Variants in WEE1 observed in about 807,000 individuals in gnomAD.
WEE1 encodes the protein wee1-like protein kinase.
Under a neutral mutation model 68.8 loss-of-function variants are expected in WEE1, and 16 were observed. That is an observed-to-expected ratio of 0.23 (90% CI 0.16 to 0.35). WEE1 has a LOEUF of 0.35. Among genes scored for constraint, WEE1 ranks in the 10% least tolerant of loss-of-function variants. The pLI, the probability that WEE1 is intolerant of heterozygous loss-of-function variation, is 1.00. For missense variants in WEE1, 651 were observed against 824.1 expected (o/e 0.79, Z 2.57); for synonymous variants, 349 against 318.7 (o/e 1.09, Z -1.01).
chr11:9,581,622 G>T lies in WEE1; in HGVS notation c.1232G>T (p.Gly411Val). ...TTGAAGGATCTCCTTTTGCAAGTTG[G>T]CCGAGGCTTGAGGTATATTCATTCA... ...AELKDLLLQV[G>V]RGLRYIHSMS... Residue 411 changes from glycine to valine, a missense_variant, in exon 6 of 11, where the codon GGC becomes GTC. Around this residue, in one of 5 missense-constraint regions of WEE1, gnomAD observed 82 missense variants for 123.2 expected, o/e 0.67. Transcript: ENST00000450114. The T allele has an allele frequency of 6.2e-7, 1 of 1,613,468 alleles. No individual in the cohort carries two copies. The highest frequency in any genetic ancestry group is 8.5e-7 in the Non-Finnish European group (1 of 1,179,892).
rs763160938 is a variant in WEE1 at position 9,581,752 on chromosome 11, G to A, written c.1288+74G>A. Reference sequence around the variant, plus strand: ...TAAATTACTTCATTATGACAACATTGAAAAAATATATATCTTCTGTTTTCT... The same window carrying A: ...TAAATTACTTCATTATGACAACATTAAAAAAATATATATCTTCTGTTTTCT... On this transcript the variant is annotated intron_variant, in intron 6 of 10. Transcript: ENST00000450114. 4.3e-6 allele frequency: 6 copies of A among 1,402,524 alleles called. No homozygotes were observed. The East Asian group carries it at 1.5e-4, about 35-fold the overall frequency. The allele number at this position is 1,402,524 out of a possible 1,614,324, so 86.9% of individuals were successfully genotyped here.
rs1332068219 is a variant in WEE1, at chr11:9,576,114, T to G, written c.782+21T>G. 3.1e-6 allele frequency: 5 copies of G among 1,612,888 alleles called. No individual in the cohort carries two copies. In the South Asian group the frequency reaches 4.4e-5, roughly 14 times the overall value. Reference sequence around the variant, plus strand: ...AATGAGTAAGTCGTTTATTTAACAGTTTGGTTCTCCAAATAACCTAAGATT... The same window carrying G: ...AATGAGTAAGTCGTTTATTTAACAGGTTGGTTCTCCAAATAACCTAAGATT... On this transcript the variant is annotated intron_variant, in intron 2 of 10. Coordinates refer to ENST00000450114, the MANE Select transcript of WEE1 (RefSeq NM_003390.4). This position sits in a 1 kb window ranked among gnomAD's most constrained non-coding sequence, Gnocchi z 4.3.
chr11:9,574,609 C>G lies in WEE1; in HGVS notation c.576+100C>G. The G allele has an allele frequency of 1.8e-6, 2 of 1,122,266 alleles. No homozygotes were observed. Among genetic ancestry groups the G allele is most frequent in the Middle Eastern group, 7.7e-4 (2 of 2,588 alleles). The allele number at this position is 1,122,266 out of a possible 1,614,324, so 69.5% of individuals were successfully genotyped here. A position where few individuals can be genotyped will look rare whatever the true frequency, so the allele number is the denominator to read the frequency against. On this transcript the variant is annotated intron_variant, in intron 1 of 10. Transcript: ENST00000450114. This position sits in a 1 kb window ranked among gnomAD's most constrained non-coding sequence, Gnocchi z 4.9. The stretch of plus-strand genomic sequence containing the variant: ...GGTTACAGAAGCGGCCGGCCGCTCC[C>G]CCCTCGCTTTCCTGCGCCGCCCCCC...
rs1228520558 is a variant in WEE1, at chr11:9,574,751, G to A, written c.576+242G>A. 9.7e-7 allele frequency: 1 copy of A among 1,028,460 alleles called. No homozygotes were observed. The highest frequency in any genetic ancestry group is 1.2e-6 in the Non-Finnish European group (1 of 858,578). The allele number at this position is 1,028,460 out of a possible 1,614,324, so 63.7% of individuals were successfully genotyped here. On this transcript the variant is annotated intron_variant, in intron 1 of 10. Coordinates refer to ENST00000450114, the MANE Select transcript of WEE1 (RefSeq NM_003390.4). The surrounding 1 kb of genome is among the most constrained non-coding windows in gnomAD (Gnocchi z 4.9). ...ACAAAGGGGCCGATCGGCCCGTCCGGGTGGCCAAGGATTTGCCGCCCGTTG... is the reference window on the plus strand; with the variant it reads ...ACAAAGGGGCCGATCGGCCCGTCCGAGTGGCCAAGGATTTGCCGCCCGTTG...
intron 10 of WEE1, 56 bp downstream of exon 10, chr11:9,586,912 T>C (rs1849706199): frequency 6.6e-7 from 1 of 1,520,262 alleles, no homozygotes; most frequent in Non-Finnish European, 8.9e-7. Flanking sequence ...AATTCTCAAA[T>C]TTTAATGAGA....
rs1323782444 is a variant in WEE1, at chr11:9,573,985, G to A, written c.52G>A (p.Ala18Thr). ...QPPPPRRAGA[A>T]CTLRQKLIFS... ...GCCGCCACCCCGCCGCGCCGGGGCG[G>A]CCTGCACCTTGCGGCAGAAGCTGAT... Residue 18 changes from alanine (A) to threonine (T), a missense_variant, in exon 1 of 11, where the codon GCC becomes ACC. Ala to Thr is a moderately conservative substitution (Grantham distance 58). Around this residue, in one of 5 missense-constraint regions of WEE1, gnomAD observed 395 missense variants for 378.4 expected, o/e 1.04. Coordinates refer to ENST00000450114, the MANE Select transcript of WEE1 (RefSeq NM_003390.4). 2 of 1,289,522 alleles carry A rather than the reference G, an allele frequency of 1.6e-6. No individual in the cohort carries two copies. The highest frequency in any genetic ancestry group is 1.6e-5 in the African/African-American group (1 of 64,376). The allele number at this position is 1,289,522 out of a possible 1,614,324, so 79.9% of individuals were successfully genotyped here.
chr11:9,574,508 A>G lies in WEE1; in HGVS notation c.575A>G (p.Lys192Arg). 1 of 1,213,062 alleles carries G rather than the reference A, an allele frequency of 8.2e-7. No homozygotes were observed. The highest frequency in any genetic ancestry group is 1.0e-6 in the Non-Finnish European group (1 of 979,304). The allele number at this position is 1,213,062 out of a possible 1,614,324, so 75.1% of individuals were successfully genotyped here. A position where few individuals can be genotyped will look rare whatever the true frequency, so the allele number is the denominator to read the frequency against. The change falls in exon 1 of 11, where the codon AAG (lysine) becomes AGG (arginine). Residue 192 changes from lysine to arginine, a missense_variant and splice_region_variant. Lys to Arg is a conservative substitution (Grantham distance 26). This residue lies in a region of WEE1 where 395 missense variants were observed against 378.4 expected (regional missense o/e 1.04). Coordinates refer to ENST00000450114, the MANE Select transcript of WEE1 (RefSeq NM_003390.4). This position sits in a 1 kb window ranked among gnomAD's most constrained non-coding sequence, Gnocchi z 4.9. ...CTCTTCGACACCCCGCACACGCCCA[A>G]GGTGAGAGCGGCGGGCGCGGGCACC... ...LRLFDTPHTP[K>R]SLLSKARGID...
chr11:9,585,670 A>C, intron 8 of WEE1, 143 bp downstream of exon 8: 2 of 696,396 alleles, frequency 2.9e-6, no homozygotes, highest in Admixed American at 3.6e-5. Flanking sequence ...GGCATTTAAT[A>C]AGCAAAAAGT....
intron 7 of WEE1, 44 bp downstream of exon 7, chr11:9,585,397 C>G: frequency 6.2e-7 from 1 of 1,607,246 alleles, no homozygotes; most frequent in Non-Finnish European, 8.5e-7. Context: ...AAAGAGAAGG[C>G]TGTTTTGTTT....
At position 9,574,041 on chromosome 11, in the gene WEE1, G is replaced by GGAA; in HGVS notation, c.114_116dup (p.Glu43dup). 1 of 1,262,238 alleles carries GGAA rather than the reference G, an allele frequency of 7.9e-7. No homozygotes were observed. The highest frequency in any genetic ancestry group is 1.0e-6 in the Non-Finnish European group (1 of 1,003,322). 78.2% of individuals were successfully genotyped at this position (1,262,238 alleles called of 1,614,324 possible). ...CGCCCTGCAGCGACTGTGAGGAGGA[G>GGAA]GAAGAAGAGGAGGAGGAGGAGGGCA... On this transcript the variant is annotated inframe_insertion, in exon 1 of 11. Coordinates refer to ENST00000450114, the MANE Select transcript of WEE1 (RefSeq NM_003390.4). The surrounding 1 kb of genome is among the most constrained non-coding windows in gnomAD (Gnocchi z 4.9).
At position 9,589,631 on chromosome 11, in the gene WEE1, AGATGTT is replaced by A. The variant is rs1849740379; in HGVS notation, c.*1032_*1037del. ...CATTTGACTAATAATACTGGCTAAC[AGATGTT>A]GAAAAAAATTGTCTGTTTGTTTTCT... On this transcript the variant is annotated 3_prime_UTR_variant, in exon 11 of 11. Transcript: ENST00000450114. The A allele has an allele frequency of 6.1e-6, 6 of 982,234 alleles. No homozygotes were observed. Among genetic ancestry groups the A allele is most frequent in the Non-Finnish European group, 7.2e-6 (6 of 828,860 alleles). 60.8% of individuals were successfully genotyped at this position (982,234 alleles called of 1,614,324 possible). A position where few individuals can be genotyped will look rare whatever the true frequency, so the allele number is the denominator to read the frequency against.
At chr11:9,584,366 G>C (rs1465694393) in intron 6 of WEE1, among the ~76,000 whole-genome samples, 1 of 151,896 alleles carries the variant, frequency 6.6e-6, no homozygotes, top group Non-Finnish European at 1.5e-5. Flanking sequence ...GGCTGGTCTC[G>C]AATTCCAAGT....
In WEE1 at chr11:9,575,986, T is replaced by G. The variant is rs570132856; in HGVS notation, c.675T>G (p.Phe225Leu). 5.0e-6 allele frequency: 8 copies of G among 1,614,194 alleles called. No homozygotes were observed. The African/African-American group carries it at 1.1e-4, about 22-fold the overall frequency. ...MDTEKSGKREFDVRQTPQVNI... is the reference protein window; with the variant it reads ...MDTEKSGKRELDVRQTPQVNI... ...CAGAAAAATCAGGAAAAAGGGAATT[T>G]GATGTGCGACAGACTCCTCAAGTGA... The change falls in exon 2 of 11, where the codon TTT (phenylalanine) becomes TTG (leucine). Residue 225 changes from phenylalanine to leucine, a missense_variant. Physicochemically the swap from Phe to Leu is conservative, Grantham distance 22. Transcript: ENST00000450114.
chr11:9,589,782 G>T lies in WEE1; in HGVS notation c.*1180G>T. 1.2e-6 allele frequency: 1 copy of T among 867,318 alleles called. No homozygotes were observed. Among genetic ancestry groups the T allele is most frequent in the Middle Eastern group, 6.0e-4 (1 of 1,666 alleles). The allele number at this position is 867,318 out of a possible 1,614,324, so 53.7% of individuals were successfully genotyped here. On this transcript the variant is annotated 3_prime_UTR_variant, in exon 11 of 11. Coordinates refer to ENST00000450114, the MANE Select transcript of WEE1 (RefSeq NM_003390.4). ...AATTGTCTAAATCCTTGTGATGCCT[G>T]TTTTCTAATATTTTATCTCTATTAT...
chr11:9,578,360 A>G (rs1292122552), intron 5 of WEE1: 1 of 155,048 alleles, frequency 6.4e-6, no homozygotes, highest in Admixed American at 6.5e-5. Flanking sequence ...GAAGTAAAAG[A>G]TCCATTTTTC....
intron 5 of WEE1, chr11:9,579,252 AAG>A (rs1270160808): frequency 3.3e-5 from 5 of 152,000 alleles, no homozygotes. Context: ...ACTTAGATAA[AAG>A]AAAATACGAC....
chr11:9,581,006 T>A (rs1157443268), intron 5 of WEE1: 1 of 152,352 alleles, frequency 6.6e-6, no homozygotes, highest in Non-Finnish European at 1.5e-5. Flanking sequence ...TGCCGATCTA[T>A]GTTGAGCATC....
At chr11:9,578,277 C>T (rs1257775795) in intron 5 of WEE1, 3 of 167,062 alleles carry the variant, frequency 1.8e-5, no homozygotes, top group Non-Finnish European at 3.8e-5. Flanking sequence ...CCAGTTATCT[C>T]ATAACTTGTA....
Position 9,573,989 on chromosome 11 carries a change from G to A in WEE1, c.56G>A (p.Cys19Tyr). 2 of 1,286,786 alleles carry A rather than the reference G, an allele frequency of 1.6e-6. No homozygotes were observed. The highest frequency in any genetic ancestry group is 2.3e-5 in the South Asian group (1 of 43,188). The allele number at this position is 1,286,786 out of a possible 1,614,324, so 79.7% of individuals were successfully genotyped here. A position where few individuals can be genotyped will look rare whatever the true frequency, so the allele number is the denominator to read the frequency against. Residue 19 changes from cysteine (C) to tyrosine (Y), a missense_variant, in exon 1 of 11, where the codon TGC becomes TAC. Physicochemically the swap from Cys to Tyr is radical, Grantham distance 194. Coordinates refer to ENST00000450114, the MANE Select transcript of WEE1 (RefSeq NM_003390.4). Reference protein sequence around the residue: ...PPPPRRAGAACTLRQKLIFSP... With the variant: ...PPPPRRAGAAYTLRQKLIFSP... Reference sequence around the variant, plus strand: ...CCACCCCGCCGCGCCGGGGCGGCCTGCACCTTGCGGCAGAAGCTGATCTTC... The same window carrying A: ...CCACCCCGCCGCGCCGGGGCGGCCTACACCTTGCGGCAGAAGCTGATCTTC...
Sources: gnomAD v4.1 joint callset for allele counts (sites outside exome capture counted in the v4.1 genomes callset) on GRCh38, gnomAD v4.1.1 for gene constraint, gnomAD v4.1.1 regional missense constraint, Gnocchi (gnomAD v3.1) non-coding constraint, MANE v1.5 for transcripts, NCBI Gene and HGNC (gene_info 2026-07-23, HGNC 2026-07-21) for gene names.